The following FARP1 variants were observed in gnomAD, a reference collection of about 807,000 sequenced individuals.
FARP1 encodes the protein FERM, ARH/RhoGEF and pleckstrin domain protein 1, also known as FERM, ARHGEF and pleckstrin domain-containing protein 1.
A neutral mutation model predicts 128.8 loss-of-function variants in FARP1; 52 were observed. The observed-to-expected ratio is 0.40, with a 90% CI of 0.32 to 0.51. The LOEUF is 0.51. FARP1 is among the 20% of genes least tolerant of loss of function. The probability of loss-of-function intolerance (pLI) is 0.45; values close to 1 mark genes in which losing one functional copy is unlikely to be tolerated. For missense variants in FARP1, 1,333 were observed against 1,367.9 expected, an observed-to-expected ratio of 0.97 and a Z score of 0.40; for synonymous variants, 580 against 551.8, an observed-to-expected ratio of 1.05 and a Z score of -0.72.
At chr13:98,245,296 C>A (rs1882996097) in intron 2 of FARP1, 1 of 983,540 alleles carries the variant, frequency 1.0e-6, no homozygotes, top group South Asian at 4.7e-5. Context: ...AAAGTCAGAT[C>A]TACTTTAATA....
At chr13:98,263,320 T>C (rs1165467843) in intron 2 of FARP1, among the ~76,000 whole-genome samples, 5 of 152,168 alleles carry the variant, frequency 3.3e-5, no homozygotes, top group Admixed American at 6.5e-5. Context: ...ACTACTTTTA[T>C]TTATAATGTT....
intron 5 of FARP1, among the ~76,000 whole-genome samples, chr13:98,374,894 A>G (rs1889513400): frequency 6.6e-6 from 1 of 152,140 alleles, no homozygotes; most frequent in Non-Finnish European, 1.5e-5. Flanking sequence ...TGGAACAGGG[A>G]GGTGCTAGGC....
At chr13:98,305,389 G>A (rs1252269942) in intron 2 of FARP1, among the ~76,000 whole-genome samples, 2 of 151,504 alleles carry the variant, frequency 1.3e-5, no homozygotes, top group African/African-American at 2.4e-5. Flanking sequence ...GTGCAAAGAC[G>A]TGATCTCAGC....
chr13:98,256,948 G>GGTATATATATATATATATATATAT (rs59128917), intron 2 of FARP1, among the ~76,000 whole-genome samples: 1 of 77,076 alleles, frequency 1.3e-5, no homozygotes, highest in Non-Finnish European at 2.7e-5. Context: ...TATATATGTG[G>GGTATATATATATATATATATATAT]ATATATATAT....
intron 2 of FARP1, among the ~76,000 whole-genome samples, chr13:98,293,534 G>A (rs1885537702): frequency 6.6e-6 from 1 of 152,258 alleles, no homozygotes; most frequent in South Asian, 2.1e-4. Flanking sequence ...GAAACCTCTG[G>A]GTGTCCTGCA....
intron 2 of FARP1, among the ~76,000 whole-genome samples, chr13:98,225,261 C>T (rs1206663717): frequency 2.4e-4 from 37 of 152,170 alleles, no homozygotes. Context: ...CAACTCTTTT[C>T]CTTTTATTGA....
At chr13:98,440,607 G>T in intron 23 of FARP1, 63 bp from the exon 24 acceptor site, 1 of 1,529,124 alleles carries the variant, frequency 6.5e-7, no homozygotes, top group Non-Finnish European at 8.9e-7. Context: ...GCACCTCAGA[G>T]TGTATCAGGA....
At chr13:98,272,450 AC>A (rs1183824923) in intron 2 of FARP1, among the ~76,000 whole-genome samples, 1 of 152,152 alleles carries the variant, frequency 6.6e-6, no homozygotes, top group East Asian at 1.9e-4. Flanking sequence ...TAATTTGGGA[AC>A]CCGTTCGTGA....
chr13:98,415,914 G>A (rs888711371), intron 16 of FARP1, among the ~76,000 whole-genome samples: 3 of 152,268 alleles, frequency 2.0e-5, no homozygotes, highest in Non-Finnish European at 4.4e-5. Context: ...TGTGGGCCTC[G>A]TTGAACCGCA....
intron 2 of FARP1, among the ~76,000 whole-genome samples, chr13:98,218,332 A>G (rs567050951): frequency 6.6e-6 from 1 of 152,112 alleles, no homozygotes; most frequent in South Asian, 2.1e-4. Flanking sequence ...ATGGTCTCTA[A>G]TCTTGCCCCT....
At chr13:98,409,600 T>G in intron 14 of FARP1, 75 bp downstream of exon 14, 1 of 1,343,966 alleles carries the variant, frequency 7.4e-7, no homozygotes. Context: ...AAAATTGTAC[T>G]AAAATATACA....
intron 2 of FARP1, among the ~76,000 whole-genome samples, chr13:98,216,031 C>T (rs190947246): frequency 5.3e-5 from 8 of 152,252 alleles, no homozygotes; most frequent in East Asian, 1.9e-4. Context: ...CCTCGTGATC[C>T]GTCCGCCTTG....
rs542553365 is a variant in FARP1, at chr13:98,204,911, G to A, written c.-23-8309G>A. ...TACAGTGAGCTGTGATCATGCCACTGCTCTCTAGCCCAGGTGACAGAGTGA... is the reference window on the plus strand; with the variant it reads ...TACAGTGAGCTGTGATCATGCCACTACTCTCTAGCCCAGGTGACAGAGTGA... On this transcript the variant is annotated intron_variant, in intron 1 of 26. Coordinates refer to ENST00000319562, the MANE Select transcript of FARP1 (RefSeq NM_005766.4). Among the ~76,000 whole-genome samples the A allele has an allele frequency of 3.3e-5, 5 of 151,962 alleles. No individual in the cohort carries two copies. In the South Asian group the frequency reaches 1.0e-3, roughly 32 times the overall value.
chr13:98,175,751 CCTTAT>C (rs1283264408), intron 1 of FARP1: 1 of 177,154 alleles, frequency 5.6e-6, no homozygotes, highest in Admixed American at 5.7e-5. Flanking sequence ...ACTCTAGATA[CCTTAT>C]ATTAGTGAAA....
Position 98,326,179 on chromosome 13 carries a change from G to T in FARP1, c.172-17583G>T, listed in dbSNP as rs535955219. ...GTGTGTTGCCTGTCTATAGTGTTTTGTTTCTGCTTTTGTGTTTGTCTTCCA... is the reference window on the plus strand; with the variant it reads ...GTGTGTTGCCTGTCTATAGTGTTTTTTTTCTGCTTTTGTGTTTGTCTTCCA... On this transcript the variant is annotated intron_variant, in intron 2 of 26. Transcript: ENST00000319562. Among the ~76,000 whole-genome samples, 134 of 152,250 alleles carry T rather than the reference G, an allele frequency of 8.8e-4. 1 individual carries two copies. Among genetic ancestry groups the T allele is most frequent in the Non-Finnish European group, 1.5e-3 (103 of 68,002 alleles).
intron 1 of FARP1, among the ~76,000 whole-genome samples, chr13:98,200,291 A>G (rs1395973684): frequency 1.3e-5 from 2 of 151,776 alleles, no homozygotes; most frequent in African/African-American, 4.8e-5. Flanking sequence ...TACAACTGTC[A>G]TTTTAGCTAA....
chr13:98,394,573 G>A lies in FARP1; in HGVS notation c.1165-654G>A, dbSNP rs182365387. On this transcript the variant is annotated intron_variant, in intron 12 of 26. Transcript: ENST00000319562. ...TCCCAGCACTTTGGGAGGCCAAGGC[G>A]GGAGGATCACTTGGCCCCAGGAGTT... 4.2e-3 allele frequency among the ~76,000 whole-genome samples: 633 copies of A among 152,256 alleles called. 7 individuals carry two copies. Among genetic ancestry groups the A allele is most frequent in the African/African-American group, 0.011 (450 of 41,550 alleles).
chr13:98,393,880 T>C (rs1890408017), intron 12 of FARP1, among the ~76,000 whole-genome samples, 162 bp downstream of exon 12: 2 of 152,228 alleles, frequency 1.3e-5, no homozygotes, highest in African/African-American at 4.8e-5. Flanking sequence ...GATATAGGCT[T>C]TGTGCCATGT....
rs116995426 is a variant in FARP1, at chr13:98,164,267, C to T, written c.-24+20775C>T. On this transcript the variant is annotated intron_variant, in intron 1 of 26. Coordinates refer to ENST00000319562, the MANE Select transcript of FARP1 (RefSeq NM_005766.4). The stretch of plus-strand genomic sequence containing the variant: ...ACCTTGGTCCGTTTTGGGGGCGTGG[C>T]GTTTGTTTTCACCATATGGCGGGTG... Among the ~76,000 whole-genome samples the T allele has an allele frequency of 8.0e-3, 1,211 of 152,242 alleles. 3 individuals are homozygous for T. Among genetic ancestry groups the T allele is most frequent in the South Asian group, 0.015 (71 of 4,822 alleles).
Sources: gnomAD v4.1 joint callset for allele counts (sites outside exome capture counted in the v4.1 genomes callset) on GRCh38, gnomAD v4.1.1 for gene constraint, MANE v1.5 for transcripts, NCBI Gene and HGNC (gene_info 2026-07-23, HGNC 2026-07-21) for gene names.